STAG1: variants seen among roughly 807,000 people sequenced by gnomAD.
The protein encoded by STAG1 is STAG1 cohesin complex component.
Under a neutral mutation model 170.9 loss-of-function variants are expected in STAG1, and 26 were observed. That is an observed-to-expected ratio of 0.15 (90% CI 0.11 to 0.21). STAG1 has a LOEUF of 0.21. Ranked by LOEUF, STAG1 falls within the 10% of genes least tolerant of loss-of-function variation. The pLI, the probability that STAG1 is intolerant of heterozygous loss-of-function variation, is 1.00. For synonymous variants in STAG1, 514 were observed against 497.7 expected, an observed-to-expected ratio of 1.03 and a Z score of -0.44; for missense variants, 964 against 1,509.5, an observed-to-expected ratio of 0.64 and a Z score of 5.99.
At chr3:136,700,768 G>A (rs765787390) in intron 1 of STAG1, among the ~76,000 whole-genome samples, 1 of 150,750 alleles carries the variant, frequency 6.6e-6, no homozygotes, top group African/African-American at 2.4e-5. Context: ...CTGAAAATAT[G>A]AATCAACGAT....
At position 136,464,983 on chromosome 3, in the gene STAG1, C is replaced by G. The variant is rs1470317933; in HGVS notation, c.1211G>C (p.Ser404Thr). 6.2e-7 allele frequency: 1 copy of G among 1,604,470 alleles called. No individual in the cohort carries two copies. The highest frequency in any genetic ancestry group is 2.2e-5 in the East Asian group (1 of 44,630). The part of the protein sequence containing the change: ...IRLVTLILHG[S>T]EEALSNEDCE... ...GTCTTCATTGGAAAGAGCTTCTTCACTTCCACTGAAAAATACAGAAAGTAA... is the reference window on the plus strand; with the variant it reads ...GTCTTCATTGGAAAGAGCTTCTTCAGTTCCACTGAAAAATACAGAAAGTAA... Residue 404 changes from serine (S) to threonine (T), a missense_variant, in exon 13 of 34, where the codon AGT becomes ACT. Physicochemically the swap from Ser to Thr is moderately conservative, Grantham distance 58 (BLOSUM62 1). Around this residue, in one of 11 missense-constraint regions of STAG1, gnomAD observed 162 missense variants for 211.2 expected, o/e 0.77. Coordinates refer to ENST00000383202, the MANE Select transcript of STAG1 (RefSeq NM_005862.3).
At chr3:136,604,257 C>T in intron 4 of STAG1, 52 bp downstream of exon 4, 1 of 1,520,534 alleles carries the variant, frequency 6.6e-7, no homozygotes, top group Admixed American at 2.1e-5. Flanking sequence ...CTGATTCCAC[C>T]CAAGTTATTA....
intron 2 of STAG1, among the ~76,000 whole-genome samples, chr3:136,625,273 AC>A (rs1184051616): frequency 2.0e-5 from 3 of 152,120 alleles, no homozygotes. Flanking sequence ...TTAAAGCTCA[AC>A]TGTTAGGTCT....
chr3:136,360,350 C>T (rs895891033), intron 26 of STAG1, among the ~76,000 whole-genome samples: 1 of 152,174 alleles, frequency 6.6e-6, no homozygotes, highest in Non-Finnish European at 1.5e-5. Context: ...ACTATTCCTT[C>T]TGTACTAGAT....
chr3:136,408,229 C>T (rs943620790), intron 21 of STAG1, among the ~76,000 whole-genome samples: 3 of 152,136 alleles, frequency 2.0e-5, no homozygotes, highest in African/African-American at 7.2e-5. Context: ...ATTCCTGGAA[C>T]CACAAATCCT....
At chr3:136,355,371 A>G (rs1936610792) in intron 28 of STAG1, among the ~76,000 whole-genome samples, 1 of 150,242 alleles carries the variant, frequency 6.7e-6, no homozygotes, top group Non-Finnish European at 1.5e-5. Flanking sequence ...AAAAAAAAAA[A>G]AAAAAAAAGT....
chr3:136,373,001 TATTA>T (rs1444932854), intron 23 of STAG1, among the ~76,000 whole-genome samples: 1 of 152,204 alleles, frequency 6.6e-6, no homozygotes, highest in Non-Finnish European at 1.5e-5. Context: ...GTTGGTAAGC[TATTA>T]ATTATTGCCT....
chr3:136,611,473 A>G (rs1939273250), intron 3 of STAG1, among the ~76,000 whole-genome samples: 1 of 151,556 alleles, frequency 6.6e-6, no homozygotes, highest in South Asian at 2.1e-4. Flanking sequence ...AATTTTGTGC[A>G]TGAAACAAAG....
intron 5 of STAG1, among the ~76,000 whole-genome samples, chr3:136,566,753 A>G (rs1418831109): frequency 3.9e-5 from 6 of 152,232 alleles, no homozygotes; most frequent in Non-Finnish European, 4.4e-5. Flanking sequence ...TTACCTACAG[A>G]CATTCTTTAT....
chr3:136,650,570 T>A (rs1704096221), intron 1 of STAG1, among the ~76,000 whole-genome samples: 1 of 152,162 alleles, frequency 6.6e-6, no homozygotes, highest in Non-Finnish European at 1.5e-5. Context: ...TATACACACC[T>A]CCCAGGGCCT....
At chr3:136,741,524 G>A (rs538967221) in intron 1 of STAG1, among the ~76,000 whole-genome samples, 2 of 152,058 alleles carry the variant, frequency 1.3e-5, no homozygotes, top group African/African-American at 4.8e-5. Context: ...GCTGGAGTGC[G>A]ATGTCGCGAT....
At chr3:136,664,954 G>C (rs1941705325) in intron 1 of STAG1, among the ~76,000 whole-genome samples, 1 of 152,214 alleles carries the variant, frequency 6.6e-6, no homozygotes, top group South Asian at 2.1e-4. Flanking sequence ...AGCCCAGAGG[G>C]TGAAACTGCA....
chr3:136,586,704 G>C, intron 4 of STAG1: 1 of 318,808 alleles, frequency 3.1e-6, no homozygotes, highest in South Asian at 2.6e-5. Flanking sequence ...TTTACTGCAT[G>C]CCTTCTAATT....
At chr3:136,406,341 A>G (rs1214647481) in intron 21 of STAG1, among the ~76,000 whole-genome samples, 1 of 152,224 alleles carries the variant, frequency 6.6e-6, no homozygotes, top group Non-Finnish European at 1.5e-5. Flanking sequence ...TGGAAATCTT[A>G]GAAAGATGAA....
At chr3:136,368,621 T>G (rs560484465) in intron 24 of STAG1, among the ~76,000 whole-genome samples, 1 of 152,178 alleles carries the variant, frequency 6.6e-6, no homozygotes, top group African/African-American at 2.4e-5. Flanking sequence ...TTTGTAATAG[T>G]TGAAGATTGG....
intron 12 of STAG1, among the ~76,000 whole-genome samples, chr3:136,467,527 T>C (rs1000415172): frequency 2.0e-5 from 3 of 151,970 alleles, no homozygotes; most frequent in Non-Finnish European, 2.9e-5. Context: ...AAAAGACCTA[T>C]AAAGAGAGTT....
intron 1 of STAG1, among the ~76,000 whole-genome samples, chr3:136,669,304 A>G (rs1941908804): frequency 6.6e-6 from 1 of 152,184 alleles, no homozygotes; most frequent in Non-Finnish European, 1.5e-5. Context: ...AATTAATAAC[A>G]TTAATGGTCG....
chr3:136,751,116 C>T (rs773402644), intron 1 of STAG1, among the ~76,000 whole-genome samples: 1 of 151,752 alleles, frequency 6.6e-6, no homozygotes, highest in Non-Finnish European at 1.5e-5. Flanking sequence ...AGAATAAACT[C>T]TATCCATCTT....
At chr3:136,348,983 T>A (rs1936338145) in intron 29 of STAG1, 175 bp downstream of exon 29, 1 of 610,280 alleles carries the variant, frequency 1.6e-6, no homozygotes, top group African/African-American at 1.9e-5. Context: ...TTTTCCTTGA[T>A]GCTTTTCTGT....
Sources: allele counts gnomAD v4.1 joint callset (sites outside exome capture counted in the v4.1 genomes callset), GRCh38; gene constraint gnomAD v4.1.1; regional missense constraint gnomAD v4.1.1; transcripts MANE v1.5; gene names NCBI Gene and HGNC (gene_info 2026-07-23, HGNC 2026-07-21).